The following BRINP3 variants were observed in gnomAD, a reference collection of about 807,000 sequenced individuals.
The protein encoded by BRINP3 is BMP/retinoic acid inducible neural specific 3.
In BRINP3, 19 loss-of-function variants were observed where a neutral mutation model predicts 71.0. The ratio of observed to expected loss-of-function variants is 0.27; its 90% CI spans 0.19 to 0.39. The LOEUF (loss-of-function observed/expected upper bound fraction) is 0.39. Among genes scored for constraint, BRINP3 ranks in the 10% least tolerant of loss-of-function variants. BRINP3 has a pLI of 1.00. For synonymous variants in BRINP3, 380 were observed against 337.7 expected (o/e 1.13, Z -1.37); for missense variants, 959 against 940.8 (o/e 1.02, Z -0.25).
chr1:190,339,728 A>G (rs1417187680), intron 2 of BRINP3, among the ~76,000 whole-genome samples: 1 of 151,930 alleles, frequency 6.6e-6, no homozygotes, highest in Admixed American at 6.6e-5. Flanking sequence ...TTCTAACAAT[A>G]TAATTCATTT....
intron 3 of BRINP3, among the ~76,000 whole-genome samples, chr1:190,268,610 A>G (rs577014756): frequency 6.6e-6 from 1 of 152,280 alleles, no homozygotes; most frequent in African/African-American, 2.4e-5. Flanking sequence ...AAAACACTTA[A>G]ACTATGTTTA....
intron 2 of BRINP3, among the ~76,000 whole-genome samples, chr1:190,432,985 T>C (rs945591404): frequency 1.3e-5 from 2 of 152,180 alleles, no homozygotes; most frequent in African/African-American, 4.8e-5. Context: ...TCAATTATAG[T>C]GTTAAATTTA....
intron 7 of BRINP3, among the ~76,000 whole-genome samples, chr1:190,138,342 T>G (rs1248235210): frequency 6.6e-6 from 1 of 152,174 alleles, no homozygotes; most frequent in Non-Finnish European, 1.5e-5. Context: ...CAATGAAGAC[T>G]GCTAAACATG....
At chr1:190,164,333 T>C (rs1046062606) in intron 6 of BRINP3, among the ~76,000 whole-genome samples, 6 of 152,170 alleles carry the variant, frequency 3.9e-5, no homozygotes, top group African/African-American at 7.2e-5. Context: ...TTTTTCATTA[T>C]TTGTAAGTAA....
intron 6 of BRINP3, among the ~76,000 whole-genome samples, chr1:190,168,442 T>A (rs1036610355): frequency 6.6e-6 from 1 of 152,066 alleles, no homozygotes; most frequent in Non-Finnish European, 1.5e-5. Flanking sequence ...GAAATCAGAG[T>A]GTGGTCTTAT....
At chr1:190,209,937 A>G (rs1655842609) in intron 6 of BRINP3, among the ~76,000 whole-genome samples, 1 of 152,148 alleles carries the variant, frequency 6.6e-6, no homozygotes, top group Non-Finnish European at 1.5e-5. Context: ...TTCTTTGAAA[A>G]TGAATGTGTA....
intron 4 of BRINP3, among the ~76,000 whole-genome samples, chr1:190,247,563 C>T (rs1286933215): frequency 6.6e-6 from 1 of 151,776 alleles, no homozygotes; most frequent in Non-Finnish European, 1.5e-5. Context: ...TGCAGAATGC[C>T]AGAACTCATC....
chr1:190,282,814 T>C (rs552978286), intron 2 of BRINP3, among the ~76,000 whole-genome samples: 145 of 151,974 alleles, frequency 9.5e-4, no homozygotes, highest in Non-Finnish European at 1.9e-3. Flanking sequence ...AATTCTGATA[T>C]GTACTGAGAG....
At chr1:190,183,811 G>A (rs1385625118) in intron 6 of BRINP3, among the ~76,000 whole-genome samples, 2 of 152,082 alleles carry the variant, frequency 1.3e-5, no homozygotes, top group African/African-American at 4.8e-5. Context: ...AGGGTGGTTT[G>A]GAGCACTTCA....
chr1:190,314,162 G>T (rs901865892), intron 2 of BRINP3, among the ~76,000 whole-genome samples: 3 of 152,002 alleles, frequency 2.0e-5, no homozygotes, highest in Non-Finnish European at 2.9e-5. Context: ...TCTATCAAGG[G>T]ATCAATCTGT....
At chr1:190,347,298 G>A (rs932020946) in intron 2 of BRINP3, among the ~76,000 whole-genome samples, 2 of 151,830 alleles carry the variant, frequency 1.3e-5, no homozygotes, top group Admixed American at 6.6e-5. Context: ...GTGCCACCAC[G>A]CCCTGCCAAT....
At chr1:190,144,563 T>A (rs934922383) in intron 7 of BRINP3, among the ~76,000 whole-genome samples, 2 of 152,134 alleles carry the variant, frequency 1.3e-5, no homozygotes, top group Non-Finnish European at 2.9e-5. Flanking sequence ...CATCTTTTTT[T>A]CCATTTTTGT....
intron 4 of BRINP3, among the ~76,000 whole-genome samples, chr1:190,235,228 A>G (rs534285082): frequency 6.6e-6 from 1 of 152,210 alleles, no homozygotes; most frequent in East Asian, 1.9e-4. Context: ...ACACAGGTTT[A>G]GTACTTAAAT....
chr1:190,150,639 T>C (rs1468987760), intron 7 of BRINP3, among the ~76,000 whole-genome samples: 3 of 152,204 alleles, frequency 2.0e-5, no homozygotes, highest in African/African-American at 7.2e-5. Context: ...ATTTACCTAA[T>C]GACAATTTTG....
At chr1:190,235,994 G>A (rs1415336997) in intron 4 of BRINP3, among the ~76,000 whole-genome samples, 1 of 151,910 alleles carries the variant, frequency 6.6e-6, no homozygotes, top group African/African-American at 2.4e-5. Flanking sequence ...TTAAGTTCTT[G>A]CATCAGCTGA....
intron 4 of BRINP3, among the ~76,000 whole-genome samples, chr1:190,252,914 A>C (rs1199887404): frequency 6.6e-6 from 1 of 151,886 alleles, no homozygotes; most frequent in African/African-American, 2.4e-5. Context: ...TATTTCTCTT[A>C]ATGCTATCCC....
At chr1:190,388,137 T>G (rs1166866752) in intron 2 of BRINP3, among the ~76,000 whole-genome samples, 1 of 151,886 alleles carries the variant, frequency 6.6e-6, no homozygotes, top group East Asian at 1.9e-4. Flanking sequence ...GCATAAATGA[T>G]GAAGGAATTC....
intron 6 of BRINP3, among the ~76,000 whole-genome samples, chr1:190,182,269 A>T (rs1653094626): frequency 6.6e-6 from 1 of 151,990 alleles, no homozygotes; most frequent in Admixed American, 6.6e-5. Context: ...GTCTTTGACT[A>T]ATTTTTAGCC....
At chr1:190,185,879 T>C (rs991999838) in intron 6 of BRINP3, among the ~76,000 whole-genome samples, 1 of 152,120 alleles carries the variant, frequency 6.6e-6, no homozygotes. Context: ...GTTGGGAATA[T>C]TCAATATCAT....
Sources: allele counts gnomAD v4.1 joint callset (sites outside exome capture counted in the v4.1 genomes callset), GRCh38; gene constraint gnomAD v4.1.1; transcripts MANE v1.5; gene names NCBI Gene and HGNC (gene_info 2026-07-23, HGNC 2026-07-21).